The following PCDHA4 variants were observed in gnomAD, a reference collection of about 807,000 sequenced individuals.
PCDHA4 encodes the protein protocadherin alpha 4.
PCDHA4 carries 49 observed loss-of-function variants against 61.4 expected under a neutral mutation model. That is an observed-to-expected ratio of 0.80 (90% CI 0.63 to 1.01). The LOEUF (loss-of-function observed/expected upper bound fraction) is 1.01, where lower values mean the gene tolerates loss of function less well. Ranked by LOEUF, PCDHA4 falls within the 50% of genes least tolerant of loss-of-function variation. PCDHA4 has a pLI of 0.00. For missense variants in PCDHA4, 1,254 were observed against 1,235.8 expected, an observed-to-expected ratio of 1.01 and a Z score of -0.22; for synonymous variants, 590 against 550.3, an observed-to-expected ratio of 1.07 and a Z score of -1.01.
intron 1 of PCDHA4, among the ~76,000 whole-genome samples, chr5:140,875,095 G>A (rs2055270565): frequency 6.6e-6 from 1 of 152,156 alleles, no homozygotes; most frequent in Non-Finnish European, 1.5e-5. Context: ...AATTGTTGAT[G>A]TTTTGTTACT....
chr5:140,884,260 G>A (rs781862611), intron 1 of PCDHA4: 19 of 1,613,410 alleles, frequency 1.2e-5, no homozygotes, highest in Non-Finnish European at 1.5e-5. Flanking sequence ...CCACGGCAAC[G>A]GTGCTGTTGT....
intron 1 of PCDHA4, chr5:140,842,529 A>C (rs1323450768): frequency 6.2e-7 from 1 of 1,613,050 alleles, no homozygotes; most frequent in East Asian, 2.2e-5. Context: ...ACCTTCAAGA[A>C]TTACTACTCG....
chr5:140,870,252 G>C lies in PCDHA4; in HGVS notation c.2385+60680G>C, dbSNP rs782545691. On this transcript the variant is annotated intron_variant, in intron 1 of 3. Coordinates refer to ENST00000530339, the MANE Select transcript of PCDHA4 (RefSeq NM_018907.4). ...ACCGTGACTCAGGTGTCAACGGACA[G>C]GTGACCTGCTCGCTGACGCCCCACG... The C allele has an allele frequency of 4.3e-6, 7 of 1,614,080 alleles. No homozygotes were observed. The South Asian group carries it at 7.7e-5, about 18-fold the overall frequency.
At chr5:140,886,680 G>A (rs1554182653) in intron 1 of PCDHA4, among the ~76,000 whole-genome samples, 1 of 151,946 alleles carries the variant, frequency 6.6e-6, no homozygotes, top group Non-Finnish European at 1.5e-5. Flanking sequence ...ACAAAAATTA[G>A]CGAGGCATGG....
At chr5:140,915,682 G>A (rs1239251164) in intron 1 of PCDHA4, among the ~76,000 whole-genome samples, 1 of 151,322 alleles carries the variant, frequency 6.6e-6, no homozygotes, top group Admixed American at 6.6e-5. Context: ...CTTGAACTAG[G>A]GGTATGGTGA....
At chr5:140,816,026 C>A (rs1308933876) in intron 1 of PCDHA4, 4 of 152,090 alleles carry the variant, frequency 2.6e-5, no homozygotes, top group African/African-American at 9.7e-5. Flanking sequence ...TTTCTTGGAT[C>A]TTGATGTCCA....
intron 1 of PCDHA4, among the ~76,000 whole-genome samples, chr5:140,820,611 C>T (rs1018838702): frequency 1.3e-5 from 2 of 151,858 alleles, no homozygotes; most frequent in African/African-American, 4.8e-5. Context: ...AGGTCGTGTT[C>T]AAATCATACC....
chr5:140,959,413 T>G (rs1328731924), intron 1 of PCDHA4, among the ~76,000 whole-genome samples: 1 of 152,152 alleles, frequency 6.6e-6, no homozygotes, highest in Admixed American at 6.6e-5. Context: ...TGTTGATTGA[T>G]CTGAGAATTT....
intron 1 of PCDHA4, among the ~76,000 whole-genome samples, chr5:140,895,524 G>A (rs891938988): frequency 2.3e-4 from 35 of 152,128 alleles, no homozygotes; most frequent in African/African-American, 7.2e-4. Context: ...TGGTTTATTC[G>A]TTTTTCAATT....
At chr5:140,860,559 A>G (rs2046453959) in intron 1 of PCDHA4, 1 of 152,222 alleles carries the variant, frequency 6.6e-6, no homozygotes, top group African/African-American at 2.4e-5. Flanking sequence ...TTGAAGAGGT[A>G]CTGATCATAC....
At chr5:140,919,359 G>T (rs188480486) in intron 1 of PCDHA4, among the ~76,000 whole-genome samples, 3 of 152,146 alleles carry the variant, frequency 2.0e-5, no homozygotes, top group African/African-American at 7.2e-5. Context: ...ATCTAAAAGT[G>T]TCTCCTGCAG....
intron 1 of PCDHA4, chr5:140,822,858 C>A: frequency 6.2e-7 from 1 of 1,614,208 alleles, no homozygotes; most frequent in Non-Finnish European, 8.5e-7. Flanking sequence ...TCAAAGAGGA[C>A]GCTCCACTCA....
chr5:140,941,191 T>TTTTTTTTCTTTC (rs1554213809), intron 1 of PCDHA4, among the ~76,000 whole-genome samples: 2 of 93,204 alleles, frequency 2.1e-5, no homozygotes, highest in African/African-American at 7.9e-5. Context: ...GCTTCTTTTT[T>TTTTTTTTCTTTC]TTTCTTTCTT....
chr5:140,987,513 A>C (rs1324114239), intron 3 of PCDHA4, among the ~76,000 whole-genome samples: 3 of 152,168 alleles, frequency 2.0e-5, no homozygotes, highest in Non-Finnish European at 4.4e-5. Flanking sequence ...TCTGCCACTC[A>C]GTAATTGTAT....
intron 1 of PCDHA4, chr5:140,969,209 A>G (rs1586360550): frequency 1.2e-6 from 2 of 1,614,194 alleles, no homozygotes; most frequent in Non-Finnish European, 1.7e-6. Context: ...AGGGGCCCAG[A>G]CAGGACCAGG....
intron 1 of PCDHA4, among the ~76,000 whole-genome samples, chr5:140,873,370 T>A (rs2054256707): frequency 6.6e-6 from 1 of 152,166 alleles, no homozygotes; most frequent in Non-Finnish European, 1.5e-5. Flanking sequence ...TAACTGAAGA[T>A]CTTTTAAAGA....
chr5:140,895,136 A>G (rs781801401), intron 1 of PCDHA4, among the ~76,000 whole-genome samples: 43 of 152,306 alleles, frequency 2.8e-4, no homozygotes, highest in Non-Finnish European at 5.6e-4. Context: ...ACAAGTTCAT[A>G]GGGCTAAGAC....
At chr5:140,860,280 G>A (rs1339122152) in intron 1 of PCDHA4, 2 of 151,906 alleles carry the variant, frequency 1.3e-5, no homozygotes, top group Admixed American at 1.3e-4. Context: ...ACTTGGGAGG[G>A]TGAGGTGGGA....
At chr5:140,925,665 A>C (rs2082643258) in intron 1 of PCDHA4, among the ~76,000 whole-genome samples, 1 of 149,266 alleles carries the variant, frequency 6.7e-6, no homozygotes, top group Non-Finnish European at 1.5e-5. Flanking sequence ...TAATAATAAT[A>C]ATAATAATAA....
Sources: gnomAD v4.1 joint callset for allele counts (sites outside exome capture counted in the v4.1 genomes callset) on GRCh38, gnomAD v4.1.1 for gene constraint, MANE v1.5 for transcripts, NCBI Gene and HGNC (gene_info 2026-07-23, HGNC 2026-07-21) for gene names.